ZC3H12C: variants seen among roughly 807,000 people sequenced by gnomAD.
ZC3H12C encodes the protein zinc finger CCCH-type containing 12C, also known as probable ribonuclease ZC3H12C.
ZC3H12C carries 20 observed loss-of-function variants against 76.3 expected under a neutral mutation model. The observed-to-expected ratio is 0.26, with a 90% CI of 0.18 to 0.38. The LOEUF (loss-of-function observed/expected upper bound fraction) is 0.38. Ranked by LOEUF, ZC3H12C falls within the 10% of genes least tolerant of loss-of-function variation. The pLI, the probability that ZC3H12C is intolerant of heterozygous loss-of-function variation, is 1.00. For missense variants in ZC3H12C, 874 were observed against 1,086.5 expected (o/e 0.80, Z 2.75); for synonymous variants, 352 against 399.6 (o/e 0.88, Z 1.42).
At chr11:110,115,071 A>C (rs17110751) in intron 1 of ZC3H12C, among the ~76,000 whole-genome samples, 4,918 of 152,082 alleles carry the variant, frequency 0.032, 155 homozygotes, top group East Asian at 0.086. Flanking sequence ...GTTAAACTGA[A>C]ATGAAGGTTT....
At position 110,118,053 on chromosome 11, in the gene ZC3H12C, TTA is replaced by T. The variant is rs886546174; in HGVS notation, c.22-18601_22-18600del. Among the ~76,000 whole-genome samples, 20 of 74,394 alleles carry T rather than the reference TTA, an allele frequency of 2.7e-4. 3 individuals carry two copies. The highest frequency in any genetic ancestry group is 5.6e-4 in the African/African-American group (11 of 19,632). 48.8% of individuals were successfully genotyped at this position (74,394 alleles called of 152,430 possible). A position where few individuals can be genotyped will look rare whatever the true frequency, so the allele number is the denominator to read the frequency against. On this transcript the variant is annotated intron_variant, in intron 1 of 5. Coordinates refer to ENST00000278590, the MANE Select transcript of ZC3H12C (RefSeq NM_033390.2). ...TATTATATATATATACACATATATA[TTA>T]TATATATACACACACACATATATAT...
intron 1 of ZC3H12C, among the ~76,000 whole-genome samples, chr11:110,133,027 G>A (rs780703933): frequency 1.1e-4 from 16 of 151,938 alleles, no homozygotes; most frequent in Non-Finnish European, 1.8e-4. Flanking sequence ...TTTCTTGTAA[G>A]TTTTACATAT....
rs970682218 is a variant in ZC3H12C at position 110,159,133 on chromosome 11, A to C, written c.914-123A>C. 10 of 697,446 alleles carry C rather than the reference A, an allele frequency of 1.4e-5. No individual in the cohort carries two copies. In the African/African-American group the frequency reaches 1.6e-4, roughly 11 times the overall value. 43.2% of individuals were successfully genotyped at this position (697,446 alleles called of 1,614,324 possible). A position where few individuals can be genotyped will look rare whatever the true frequency, so the allele number is the denominator to read the frequency against. Reference sequence around the variant, plus strand: ...ATGCTGTATCTACAAATTAAATCATAATCCCTAATTAAAGGATTTCATATA... The same window carrying C: ...ATGCTGTATCTACAAATTAAATCATCATCCCTAATTAAAGGATTTCATATA... On this transcript the variant is annotated intron_variant, in intron 3 of 5. Coordinates refer to ENST00000278590, the MANE Select transcript of ZC3H12C (RefSeq NM_033390.2).
At chr11:110,158,461 G>C (rs1000132122) in intron 3 of ZC3H12C, among the ~76,000 whole-genome samples, 5 of 151,428 alleles carry the variant, frequency 3.3e-5, no homozygotes, top group African/African-American at 9.7e-5. Flanking sequence ...AGTGAGCCAA[G>C]ATCACACCAC....
intron 2 of ZC3H12C, among the ~76,000 whole-genome samples, chr11:110,144,076 G>A (rs1295500807): frequency 6.6e-6 from 1 of 151,936 alleles, no homozygotes; most frequent in Non-Finnish European, 1.5e-5. Flanking sequence ...ATGTCCTTTT[G>A]AATCCCATAA....
At position 110,164,794 on chromosome 11, in the gene ZC3H12C, G is replaced by A. The variant is rs1438570174; in HGVS notation, c.1709G>A (p.Gly570Glu). Residue 570 changes from glycine (G) to glutamate (E), a missense_variant, in exon 6 of 6, where the codon GGA becomes GAA. Gly to Glu is a moderately conservative substitution (Grantham distance 98). Transcript: ENST00000278590. This position sits in a 1 kb window ranked among gnomAD's most constrained non-coding sequence, Gnocchi z 5.7. ...ATGATGATGGCAACCAAAAATCATG[G>A]AACGCCAATGCCTTATGAACAGTAT... ...PSMMMATKNH[G>E]TPMPYEQYPK... 4 of 1,613,986 alleles carry A rather than the reference G, an allele frequency of 2.5e-6. No individual in the cohort carries two copies. The highest frequency in any genetic ancestry group is 3.4e-6 in the Non-Finnish European group (4 of 1,179,890).
intron 1 of ZC3H12C, among the ~76,000 whole-genome samples, chr11:110,112,131 C>T (rs963844348): frequency 1.3e-5 from 2 of 152,228 alleles, no homozygotes; most frequent in Admixed American, 6.5e-5. Flanking sequence ...AAATCCTTCA[C>T]ATATGTAGAT....
intron 1 of ZC3H12C, among the ~76,000 whole-genome samples, chr11:110,118,041 T>C (rs865832594): frequency 6.3e-5 from 5 of 79,950 alleles, no homozygotes; most frequent in Admixed American, 1.2e-4. Context: ...TATATATATA[T>C]ACACATATAT....
At chr11:110,153,250 C>T (rs10749955) in intron 3 of ZC3H12C, among the ~76,000 whole-genome samples, 192 bp downstream of exon 3, 104,548 of 151,852 alleles carry the variant, frequency 0.69, 36,781 homozygotes, top group South Asian at 0.79. Context: ...TGCAGTGGTA[C>T]GATCTTGGCT....
chr11:110,146,383 G>T (rs1862171098), intron 2 of ZC3H12C, among the ~76,000 whole-genome samples: 1 of 152,216 alleles, frequency 6.6e-6, no homozygotes, highest in Admixed American at 6.5e-5. Context: ...AGCAGGAAAA[G>T]ATTAAGGCAG....
At chr11:110,135,807 A>C (rs1026647869) in intron 1 of ZC3H12C, 3 of 151,926 alleles carry the variant, frequency 2.0e-5, no homozygotes, top group Admixed American at 6.6e-5. Flanking sequence ...TAATATGCCT[A>C]ATTGTTTGCT....
At position 110,093,424 on chromosome 11, in the gene ZC3H12C, G is replaced by A. The variant is rs768813122; in HGVS notation, c.13G>A (p.Gly5Ser). 5.0e-6 allele frequency: 6 copies of A among 1,204,488 alleles called. No individual in the cohort carries two copies. The allele number at this position is 1,204,488 out of a possible 1,614,324, so 74.6% of individuals were successfully genotyped here. A position where few individuals can be genotyped will look rare whatever the true frequency, so the allele number is the denominator to read the frequency against. The change falls in exon 1 of 6, where the codon GGC (glycine) becomes AGC (serine). Residue 5 changes from glycine (G) to serine (S), a missense_variant. This residue lies in a region of ZC3H12C where 210 missense variants were observed against 227.1 expected (regional missense o/e 0.92). Coordinates refer to ENST00000278590, the MANE Select transcript of ZC3H12C (RefSeq NM_033390.2). Reference sequence around the variant, plus strand: ...CGCGGGGCTGGCTATGCCGGGTGGCGGCTCCCAGGTTTGTCCTCGGGAAGG... The same window carrying A: ...CGCGGGGCTGGCTATGCCGGGTGGCAGCTCCCAGGTTTGTCCTCGGGAAGG... MPGG[G>S]SQEYGVLCIQ...
At chr11:110,144,173 T>C (rs1056739117) in intron 2 of ZC3H12C, among the ~76,000 whole-genome samples, 4 of 152,216 alleles carry the variant, frequency 2.6e-5, no homozygotes, top group Admixed American at 1.3e-4. Flanking sequence ...AGTCATAGTT[T>C]AGTATTGTGA....
At chr11:110,157,430 C>CTTTTTTT (rs1238127792) in intron 3 of ZC3H12C, among the ~76,000 whole-genome samples, 1 of 114,052 alleles carries the variant, frequency 8.8e-6, no homozygotes, top group African/African-American at 3.2e-5. Flanking sequence ...AAGGTCTGGT[C>CTTTTTTT]TTTTTTTTTT....
rs1862529121 is a variant in ZC3H12C, at chr11:110,164,061, C to T, written c.1256-280C>T. 6.6e-6 allele frequency among the ~76,000 whole-genome samples: 1 copy of T among 150,978 alleles called. No individual in the cohort carries two copies. The highest frequency in any genetic ancestry group is 6.6e-5 in the Admixed American group (1 of 15,146). On this transcript the variant is annotated intron_variant, in intron 5 of 5. Coordinates refer to ENST00000278590, the MANE Select transcript of ZC3H12C (RefSeq NM_033390.2). The surrounding 1 kb of genome is among the most constrained non-coding windows in gnomAD (Gnocchi z 5.7). Reference sequence around the variant, plus strand: ...GTTGCAGTGAGCTGAGATCACACCACTGCCCTCCACCTGGGTGACAGAGCA... The same window carrying T: ...GTTGCAGTGAGCTGAGATCACACCATTGCCCTCCACCTGGGTGACAGAGCA...
chr11:110,152,306 GA>G (rs1224742665), intron 2 of ZC3H12C, among the ~76,000 whole-genome samples: 1 of 152,204 alleles, frequency 6.6e-6, no homozygotes, highest in Non-Finnish European at 1.5e-5. Context: ...TAGTTGAACA[GA>G]AACTAGGTGT....
rs1591491910 is a variant in ZC3H12C at position 110,171,700 on chromosome 11, C to T, written c.*5963C>T. ...ATGCTAAATAAATAAAAGCATCATACTTCTCTAGTTTGCCTGCATTCAGTG... is the reference window on the plus strand; with the variant it reads ...ATGCTAAATAAATAAAAGCATCATATTTCTCTAGTTTGCCTGCATTCAGTG... On this transcript the variant is annotated 3_prime_UTR_variant, in exon 6 of 6. Transcript: ENST00000278590. 1 of 152,160 alleles carries T rather than the reference C, an allele frequency of 6.6e-6. No individual in the cohort carries two copies. The allele number at this position is 152,160 out of a possible 1,614,324, so 9.4% of individuals were successfully genotyped here.
chr11:110,124,767 G>A (rs11213279), intron 1 of ZC3H12C, among the ~76,000 whole-genome samples: 36,293 of 151,140 alleles, frequency 0.24, 4,480 homozygotes, highest in Middle Eastern at 0.34. Flanking sequence ...ATGGAGCCTC[G>A]AAAACAAAAC....
chr11:110,100,408 A>G (rs938215644), intron 1 of ZC3H12C, among the ~76,000 whole-genome samples: 1 of 152,152 alleles, frequency 6.6e-6, no homozygotes, highest in Non-Finnish European at 1.5e-5. Flanking sequence ...AAGGAAGTAC[A>G]GGCATACCTC....
Sources: allele counts gnomAD v4.1 joint callset (sites outside exome capture counted in the v4.1 genomes callset), GRCh38; gene constraint gnomAD v4.1.1; regional missense constraint gnomAD v4.1.1; non-coding constraint Gnocchi (gnomAD v3.1); transcripts MANE v1.5; gene names NCBI Gene and HGNC (gene_info 2026-07-23, HGNC 2026-07-21).